CCDC33: variants seen among roughly 807,000 people sequenced by gnomAD.
The protein encoded by CCDC33 is coiled-coil domain containing 33.
CCDC33 carries 94 observed loss-of-function variants against 91.9 expected under a neutral mutation model. The observed-to-expected ratio is 1.02, with a 90% CI of 0.87 to 1.21. The LOEUF is 1.21. CCDC33 is among the 50% of genes most tolerant of loss of function. The pLI is 0.00. For synonymous variants in CCDC33, 396 were observed against 374.5 expected, an observed-to-expected ratio of 1.06 and a Z score of -0.66; for missense variants, 940 against 935.5, an observed-to-expected ratio of 1.00 and a Z score of -0.06.
At chr15:74,211,133 C>T (rs2074361730) in intron 2 of CCDC33, among the ~76,000 whole-genome samples, 3 of 136,366 alleles carry the variant, frequency 2.2e-5, no homozygotes. Flanking sequence ...AGATTCCCCC[C>T]CACCACTACG....
chr15:74,226,637 AC>A (rs1275525164), intron 2 of CCDC33, among the ~76,000 whole-genome samples: 8 of 151,686 alleles, frequency 5.3e-5, no homozygotes, highest in Non-Finnish European at 1.2e-4. Context: ...GACCAGCCTG[AC>A]CAACATGGTG....
intron 6 of CCDC33, 109 bp from the exon 7 acceptor site, chr15:74,272,662 C>T: frequency 7.0e-7 from 1 of 1,438,784 alleles, no homozygotes; most frequent in Non-Finnish European, 9.3e-7. Flanking sequence ...CGGCGGGATC[C>T]CTGCAACTCC....
chr15:74,244,089 TG>T lies in CCDC33; in HGVS notation c.130del (p.Ala44LeufsTer19). 1 of 1,613,922 alleles carries T rather than the reference TG, an allele frequency of 6.2e-7. No homozygotes were observed. Among genetic ancestry groups the T allele is most frequent in the African/African-American group, 1.3e-5 (1 of 75,006 alleles). ...KKETIMVTLH[G>X]ATNLPACKDG... ...AGGAGACCATCATGGTCACCCTCCA[TG>T]GGGCTACCAACCTGCCTGCCTGCAA... On this transcript the variant is annotated frameshift_variant, in exon 2 of 19. Coordinates refer to ENST00000398814, the MANE Select transcript of CCDC33 (RefSeq NM_025055.5). LOFTEE classifies it high-confidence loss of function. This position sits in a 1 kb window ranked among gnomAD's most constrained non-coding sequence, Gnocchi z 4.2.
intron 2 of CCDC33, among the ~76,000 whole-genome samples, chr15:74,220,707 G>A (rs931048959): frequency 6.6e-6 from 1 of 152,210 alleles, no homozygotes; most frequent in African/African-American, 2.4e-5. Context: ...AGTGTCAGAT[G>A]TCTGCTTCTG....
At chr15:74,308,780 G>A (rs1420450100) in intron 11 of CCDC33, among the ~76,000 whole-genome samples, 1 of 152,210 alleles carries the variant, frequency 6.6e-6, no homozygotes, top group Non-Finnish European at 1.5e-5. Flanking sequence ...GGGCTGCAGA[G>A]GGGCTCGGGG....
chr15:74,263,880 A>G (rs138272392), intron 3 of CCDC33, among the ~76,000 whole-genome samples: 26 of 152,232 alleles, frequency 1.7e-4, no homozygotes, highest in African/African-American at 6.3e-4. Context: ...ACAAGTATGT[A>G]TAGATCGTGT....
chr15:74,237,205 G>A (rs1293910499), intron 1 of CCDC33, among the ~76,000 whole-genome samples: 3 of 152,252 alleles, frequency 2.0e-5, no homozygotes, highest in Admixed American at 2.0e-4. Flanking sequence ...TCTCTGAAGA[G>A]AAGGGATTTT....
upstream of CCDC33, among the ~76,000 whole-genome samples, chr15:74,231,790 T>C (rs1038778833): frequency 6.6e-6 from 1 of 151,628 alleles, no homozygotes; most frequent in Non-Finnish European, 1.5e-5. Context: ...CTGAGGCGGG[T>C]GGATCACTTG....
chr15:74,273,024 T>C lies in CCDC33; in HGVS notation c.759+133T>C, dbSNP rs895621568. On this transcript the variant is annotated intron_variant, in intron 7 of 18. Transcript: ENST00000398814. ...TGACTGAATCCCACGGCATACCCAG[T>C]GCTGTGCTCGCCTGTGCGGCAGAGA... 1.8e-5 allele frequency: 22 copies of C among 1,248,226 alleles called. No individual in the cohort carries two copies. In the South Asian group the frequency reaches 2.3e-4, roughly 13 times the overall value. 77.3% of individuals were successfully genotyped at this position (1,248,226 alleles called of 1,614,324 possible).
In CCDC33 at chr15:74,262,501, G is replaced by A; in HGVS notation, c.247G>A (p.Glu83Lys). The A allele has an allele frequency of 6.2e-7, 1 of 1,614,068 alleles. No individual in the cohort carries two copies. The highest frequency in any genetic ancestry group is 8.5e-7 in the Non-Finnish European group (1 of 1,179,996). ...CAAGGCAGTCACATCTGTGACCTCA[G>A]AGCCCACCAGAGCCCCTATCTGGGG... ...SSKAVTSVTS[E>K]PTRAPIWGDT... Residue 83 changes from glutamate (E) to lysine (K), a missense_variant, in exon 3 of 19, where the codon GAG (glutamate) becomes AAG (lysine). Glu to Lys is a moderately conservative substitution (Grantham distance 56). Coordinates refer to ENST00000398814, the MANE Select transcript of CCDC33 (RefSeq NM_025055.5).
intron 1 of CCDC33, among the ~76,000 whole-genome samples, chr15:74,242,352 G>A (rs768431256): frequency 3.3e-5 from 5 of 152,222 alleles, no homozygotes; most frequent in South Asian, 2.1e-4. Context: ...CCAGCCTGCC[G>A]AGGCTGCCAC....
intron 15 of CCDC33, 90 bp from the exon 16 acceptor site, chr15:74,332,589 C>A: frequency 7.1e-7 from 1 of 1,414,048 alleles, no homozygotes. Context: ...GGAGGGGTGG[C>A]AGATTGAAGC....
chr15:74,298,976 G>C (rs1014679570), intron 11 of CCDC33, among the ~76,000 whole-genome samples: 2 of 152,136 alleles, frequency 1.3e-5, no homozygotes, highest in African/African-American at 4.8e-5. Context: ...CTCCCAAAGT[G>C]CTGAGATTAC....
chr15:74,276,501 C>T (rs1474772936), intron 7 of CCDC33, among the ~76,000 whole-genome samples: 1 of 152,214 alleles, frequency 6.6e-6, no homozygotes, highest in Non-Finnish European at 1.5e-5. Flanking sequence ...CCAAGCTCTC[C>T]TGGGGCCCCT....
chr15:74,298,229 T>C (rs1434553310), intron 11 of CCDC33, among the ~76,000 whole-genome samples: 1 of 152,178 alleles, frequency 6.6e-6, no homozygotes, highest in East Asian at 1.9e-4. Context: ...TGGGTTGGGT[T>C]GGAGTCTGCA....
chr15:74,252,919 G>A (rs1286963775), intron 2 of CCDC33, among the ~76,000 whole-genome samples: 1 of 152,124 alleles, frequency 6.6e-6, no homozygotes, highest in African/African-American at 2.4e-5. Context: ...AAACACAGCT[G>A]GTGTCAGTGG....
At chr15:74,207,162 C>T (rs2074277794) in intron 1 of CCDC33, among the ~76,000 whole-genome samples, 1 of 152,170 alleles carries the variant, frequency 6.6e-6, no homozygotes, top group African/African-American at 2.4e-5. Flanking sequence ...ACGTGCATTT[C>T]TGCGGGAGCC....
At chr15:74,215,886 A>AAAAAAGAAAG (rs1347849570), upstream of CCDC33, among the ~76,000 whole-genome samples, 1 of 113,838 alleles carries the variant, frequency 8.8e-6, no homozygotes, top group African/African-American at 2.9e-5. Flanking sequence ...AAAAAAAAAA[A>AAAAAAGAAAG]AAAGAAAGAA....
At chr15:74,268,593 G>A in intron 5 of CCDC33, 135 bp downstream of exon 5, 2 of 640,556 alleles carry the variant, frequency 3.1e-6, no homozygotes, top group Admixed American at 5.0e-5. Flanking sequence ...AATGGAAAAA[G>A]CAACCAGGCC....
Sources: allele counts gnomAD v4.1 joint callset (sites outside exome capture counted in the v4.1 genomes callset), GRCh38; gene constraint gnomAD v4.1.1; non-coding constraint Gnocchi (gnomAD v3.1); transcripts MANE v1.5; gene names NCBI Gene and HGNC (gene_info 2026-07-23, HGNC 2026-07-21).